The following IGHMBP2 variants were observed in gnomAD, a reference collection of about 807,000 sequenced individuals.
IGHMBP2 encodes the protein DNA-binding protein SMUBP-2.
IGHMBP2 carries 81 observed loss-of-function variants against 96.0 expected under a neutral mutation model. The ratio of observed to expected loss-of-function variants is 0.84; its 90% confidence interval spans 0.71 to 1.01. The LOEUF (loss-of-function observed/expected upper bound fraction) is 1.01. Among genes scored for constraint, IGHMBP2 ranks in the 50% least tolerant of loss-of-function variants. IGHMBP2 has a pLI of 0.00. For synonymous variants in IGHMBP2, 557 were observed against 548.9 expected, an observed-to-expected ratio of 1.01 and a Z score of -0.21; for missense variants, 1,227 against 1,306.3, an observed-to-expected ratio of 0.94 and a Z score of 0.94.
rs919544010 is a variant in IGHMBP2, at chr11:68,933,911, C to G, written c.1535C>G (p.Pro512Arg). Residue 512 changes from proline (P) to arginine (R), a missense_variant and splice_region_variant, in exon 10 of 15, where the codon CCT (proline) becomes CGT (arginine). Around this residue, in one of 3 missense-constraint regions of IGHMBP2, gnomAD observed 703 missense variants for 770.3 expected, o/e 0.91. Transcript: ENST00000255078. ...EEEDEQSKGN[P>R]GEVRLVSLHI... ...GAGGACGAACAGTCGAAAGGGAACC[C>G]TGGTGAGCTTGCTTGCAGATGGCCA... 18 of 1,585,266 alleles carry G rather than the reference C, an allele frequency of 1.1e-5. No homozygotes were observed. The highest frequency in any genetic ancestry group is 1.5e-5 in the Non-Finnish European group (17 of 1,163,078).
At chr11:68,929,438 TCACCAG>T in intron 8 of IGHMBP2, 81 bp downstream of exon 8, 2 of 1,378,588 alleles carry the variant, frequency 1.5e-6, no homozygotes, top group Non-Finnish European at 2.0e-6. Flanking sequence ...AGCCCCAGGC[TCACCAG>T]GAGCCCCTGC....
intron 8 of IGHMBP2, chr11:68,929,922 T>G: frequency 2.0e-6 from 2 of 976,812 alleles, no homozygotes; most frequent in Non-Finnish European, 2.4e-6. Flanking sequence ...GGAGCCCTGA[T>G]GCAGTGGCCT....
At chr11:68,938,709 G>A (rs908461348) in intron 14 of IGHMBP2, among the ~76,000 whole-genome samples, 1 of 152,116 alleles carries the variant, frequency 6.6e-6, no homozygotes, top group Non-Finnish European at 1.5e-5. Flanking sequence ...GCCATGGCCC[G>A]GCTGCTGTGT....
At position 68,903,923 on chromosome 11, in the gene IGHMBP2, G is replaced by A; in HGVS notation, c.-30G>A. On this transcript the variant is annotated 5_prime_UTR_variant, in exon 1 of 15. Transcript: ENST00000255078. ...CGGCCCGGCGCAGAAGCGGGACGTC[G>A]GCTTCTAGGGGCCCAGGCCGGCGGC... 6.3e-7 allele frequency: 1 copy of A among 1,595,778 alleles called. No individual in the cohort carries two copies. The highest frequency in any genetic ancestry group is 1.3e-5 in the African/African-American group (1 of 74,648).
At chr11:68,915,569 G>A (rs1175909211) in intron 6 of IGHMBP2, among the ~76,000 whole-genome samples, 5 of 151,694 alleles carry the variant, frequency 3.3e-5, no homozygotes, top group African/African-American at 9.7e-5. Flanking sequence ...TGCAGGCTCC[G>A]CCTCCCGGGG....
At chr11:68,909,183 G>GGC (rs1858328109) in intron 4 of IGHMBP2, among the ~76,000 whole-genome samples, 1 of 100,140 alleles carries the variant, frequency 1.0e-5, no homozygotes, top group African/African-American at 3.7e-5. Flanking sequence ...TGGCGGGGGG[G>GGC]GTGGAGGGGG....
chr11:68,937,250 C>T (rs575857311), intron 13 of IGHMBP2, among the ~76,000 whole-genome samples, 159 bp downstream of exon 13: 1 of 152,324 alleles, frequency 6.6e-6, no homozygotes, highest in South Asian at 2.1e-4. Context: ...ACTCCCAGCT[C>T]CGTCTGGGCT....
rs757839224 is a variant in IGHMBP2, at chr11:68,939,567, G to T, written c.2818G>T (p.Ala940Ser). ...HGCGERARAHARQRISREGVL... is the reference protein window; with the variant it reads ...HGCGERARAHSRQRISREGVL... ...CTGCGGTGAGAGGGCTCGCGCCCAT[G>T]CCCGGCAGAGAATCAGCCGGGAAGG... Residue 940 changes from alanine to serine, a missense_variant, in exon 15 of 15, where the codon GCC becomes TCC. Physicochemically the swap from Ala to Ser is moderately conservative, Grantham distance 99. Around this residue, in one of 3 missense-constraint regions of IGHMBP2, gnomAD observed 703 missense variants for 770.3 expected, o/e 0.91. Coordinates refer to ENST00000255078, the MANE Select transcript of IGHMBP2 (RefSeq NM_002180.3). The T allele has an allele frequency of 4.3e-6, 7 of 1,612,568 alleles. No individual in the cohort carries two copies. The highest frequency in any genetic ancestry group is 5.9e-6 in the Non-Finnish European group (7 of 1,180,030).
chr11:68,930,823 C>T (rs372318320), intron 8 of IGHMBP2, among the ~76,000 whole-genome samples: 8 of 152,272 alleles, frequency 5.3e-5, no homozygotes, highest in African/African-American at 9.6e-5. Context: ...GAGGGTGGCT[C>T]CTCTCTGCAG....
intron 2 of IGHMBP2, 144 bp from the exon 3 acceptor site, chr11:68,908,001 T>C: frequency 5.3e-6 from 2 of 376,598 alleles, no homozygotes; most frequent in Non-Finnish European, 8.4e-6. Flanking sequence ...ACTTACTTTC[T>C]TTTTTTTTTT....
Position 68,939,969 on chromosome 11 carries a change from T to G in IGHMBP2, c.*238T>G. On this transcript the variant is annotated 3_prime_UTR_variant, in exon 15 of 15. Transcript: ENST00000255078. ...GCTCGTGCAGGTGGGGCTTGGGAAA[T>G]GCACGTCCCTTCCCCTTACTCCCCG... is the stretch of plus-strand genomic sequence containing the variant. The G allele has an allele frequency of 1.8e-6, 1 of 566,490 alleles. No homozygotes were observed. Among genetic ancestry groups the G allele is most frequent in the African/African-American group, 1.9e-5 (1 of 53,288 alleles). The allele number at this position is 566,490 out of a possible 1,614,324, so 35.1% of individuals were successfully genotyped here.
chr11:68,933,461 C>T lies in IGHMBP2; in HGVS notation c.1398C>T (p.Ser466=), dbSNP rs147477786. The T allele has an allele frequency of 3.9e-5, 63 of 1,612,560 alleles. No homozygotes were observed. The African/African-American group carries it at 6.8e-4, about 17-fold the overall frequency. The change falls in exon 9 of 15, where the codon TCC becomes TCT. Residue 466 remains serine (S), a synonymous_variant. Transcript: ENST00000255078. ...MYLGQLTAHS[S]VARHLLRDLP... is the part of the protein sequence containing the mutation. ...TTGGGCAGCTCACAGCCCACTCTTC[C>T]GTGGCAAGGCACCTCCTGAGGTGAG...
At position 68,917,809 on chromosome 11, in the gene IGHMBP2, A is replaced by T. The variant is rs201726883; in HGVS notation, c.986A>T (p.Glu329Val). ...FRNEIKLLRKELKEREEAAML... is the reference protein window; with the variant it reads ...FRNEIKLLRKVLKEREEAAML... The stretch of plus-strand genomic sequence containing the variant: ...AATGAAATTAAGCTGTTAAGAAAAG[A>T]ACTGAAGGAGAGGGAAGAAGCAGCT... The change falls in exon 7 of 15, where the codon GAA becomes GTA. Residue 329 changes from glutamate (E) to valine (V), a missense_variant. Transcript: ENST00000255078. The T allele has an allele frequency of 2.8e-5, 45 of 1,613,878 alleles. No homozygotes were observed. Among genetic ancestry groups the T allele is most frequent in the Non-Finnish European group, 3.5e-5 (41 of 1,179,844 alleles).
In IGHMBP2 at chr11:68,915,008, C is replaced by T. The variant is rs1858594297; in HGVS notation, c.897C>T (p.Asp299=). The T allele has an allele frequency of 1.2e-6, 2 of 1,614,080 alleles. No individual in the cohort carries two copies. The highest frequency in any genetic ancestry group is 8.5e-7 in the Non-Finnish European group (1 of 1,179,982). The change falls in exon 6 of 15, where the codon GAC becomes GAT. Residue 299 remains aspartate (D), a synonymous_variant. Transcript: ENST00000255078. ...SAQIVADIRK[D]IDQVFVKNKK... is the part of the protein sequence containing the mutation. ...AGATTGTTGCAGATATCAGGAAGGA[C>T]ATCGACCAGGTCTTTGTAGGTGTCA...
chr11:68,924,130 A>T (rs1019839955), intron 7 of IGHMBP2, among the ~76,000 whole-genome samples: 3 of 152,178 alleles, frequency 2.0e-5, no homozygotes, highest in Admixed American at 6.5e-5. Context: ...TTTTAAAAAA[A>T]TTTTAAATAA....
At chr11:68,904,803 C>CTTTTCTTTCTTTTT (rs892709461) in intron 1 of IGHMBP2, among the ~76,000 whole-genome samples, 1 of 120,996 alleles carries the variant, frequency 8.3e-6, no homozygotes, top group Non-Finnish European at 1.7e-5. Context: ...TTTTCTTTTT[C>CTTTTCTTTCTTTTT]TTTTTTTTTT....
chr11:68,937,350 C>T (rs1274820102), intron 13 of IGHMBP2, among the ~76,000 whole-genome samples: 1 of 152,230 alleles, frequency 6.6e-6, no homozygotes, highest in Non-Finnish European at 1.5e-5. Flanking sequence ...AGCATGTCTG[C>T]AGCAGCAGGA....
At chr11:68,919,198 C>CGTCCCT (rs142718471) in intron 7 of IGHMBP2, among the ~76,000 whole-genome samples, 1 of 150,926 alleles carries the variant, frequency 6.6e-6, no homozygotes, top group Non-Finnish European at 1.5e-5. Flanking sequence ...TCCCCGTCCC[C>CGTCCCT]GTCCCCGTCC....
intron 1 of IGHMBP2, among the ~76,000 whole-genome samples, chr11:68,904,803 C>CTTTTCTTTTCTTT (rs892709461): frequency 9.1e-5 from 11 of 120,988 alleles, no homozygotes; most frequent in African/African-American, 3.3e-4. Flanking sequence ...TTTTCTTTTT[C>CTTTTCTTTTCTTT]TTTTTTTTTT....
Sources: gnomAD v4.1 joint callset for allele counts (sites outside exome capture counted in the v4.1 genomes callset) on GRCh38, gnomAD v4.1.1 for gene constraint, gnomAD v4.1.1 regional missense constraint, MANE v1.5 for transcripts, NCBI Gene and HGNC (gene_info 2026-07-23, HGNC 2026-07-21) for gene names.